The following LPCAT2 variants were observed in gnomAD, a reference collection of about 807,000 sequenced individuals.
LPCAT2 encodes the protein 1-AGP acyltransferase 11.
A neutral mutation model predicts 64.7 loss-of-function variants in LPCAT2; 58 were observed. The observed-to-expected ratio is 0.90, with a 90% CI of 0.73 to 1.12. The LOEUF (loss-of-function observed/expected upper bound fraction) is 1.12, where lower values mean the gene tolerates loss of function less well. LPCAT2 is among the 50% of genes most tolerant of loss of function. The pLI, the probability that LPCAT2 is intolerant of heterozygous loss-of-function variation, is 0.00. For synonymous variants in LPCAT2, 252 were observed against 245.3 expected, an observed-to-expected ratio of 1.03 and a Z score of -0.26; for missense variants, 579 against 669.8, an observed-to-expected ratio of 0.86 and a Z score of 1.50.
At chr16:55,527,798 A>T (rs1963193214) in intron 2 of LPCAT2, among the ~76,000 whole-genome samples, 1 of 152,182 alleles carries the variant, frequency 6.6e-6, no homozygotes, top group South Asian at 2.1e-4. Flanking sequence ...ACTTCTGATG[A>T]TTGTTGATGA....
At position 55,527,628 on chromosome 16, in the gene LPCAT2, T is replaced by C. The variant is rs113016746; in HGVS notation, c.312-749T>C. Among the ~76,000 whole-genome samples the C allele has an allele frequency of 6.1e-3, 935 of 152,282 alleles. 10 individuals carry two copies. Among genetic ancestry groups the C allele is most frequent in the African/African-American group, 0.021 (882 of 41,560 alleles). On this transcript the variant is annotated intron_variant, in intron 2 of 13. Coordinates refer to ENST00000262134, the MANE Select transcript of LPCAT2 (RefSeq NM_017839.5). The stretch of plus-strand genomic sequence containing the variant: ...AATACATTTTTGTTTCCCTACTCAA[T>C]TGGATCTTACTTGTCTTGTGTGTCT...
rs761125744 is a variant in LPCAT2, at chr16:55,528,601, A to G, written c.529+7A>G. On this transcript the variant is annotated splice_region_variant and intron_variant, in intron 3 of 13. Coordinates refer to ENST00000262134, the MANE Select transcript of LPCAT2 (RefSeq NM_017839.5). ...CAAGTCCCTCTGATTGGCAGTAAGT[A>G]CTTGTAAGGTAACGTAGATAAAATA... is the stretch of plus-strand genomic sequence containing the variant. 12 of 1,588,688 alleles carry G rather than the reference A, an allele frequency of 7.6e-6. No individual in the cohort carries two copies. The highest frequency in any genetic ancestry group is 9.5e-6 in the Non-Finnish European group (11 of 1,157,296).
rs1235733649 is a variant in LPCAT2 at position 55,549,478 on chromosome 16, G to A, written c.1061+76G>A. The A allele has an allele frequency of 2.2e-6, 3 of 1,343,038 alleles. No individual in the cohort carries two copies. In the East Asian group the frequency reaches 7.8e-5, roughly 35 times the overall value. The allele number at this position is 1,343,038 out of a possible 1,614,324, so 83.2% of individuals were successfully genotyped here. A position where few individuals can be genotyped will look rare whatever the true frequency, so the allele number is the denominator to read the frequency against. ...TCTGAAATCCTGTTTATTTTCTCCT[G>A]CTTTATTAATGCTCAGCTCTAGTTC... On this transcript the variant is annotated intron_variant, in intron 10 of 13. Coordinates refer to ENST00000262134, the MANE Select transcript of LPCAT2 (RefSeq NM_017839.5).
rs534169591 is a variant in LPCAT2, at chr16:55,559,385, T to C, written c.1215+8283T>C. Among the ~76,000 whole-genome samples the C allele has an allele frequency of 1.2e-3, 189 of 152,340 alleles. 1 individual carries two copies. The highest frequency in any genetic ancestry group is 4.4e-3 in the African/African-American group (182 of 41,594). On this transcript the variant is annotated intron_variant, in intron 11 of 13. Transcript: ENST00000262134. Reference sequence around the variant, plus strand: ...TAAACTTCTGTAGATGTTTTATTACTGTTTCACATTATGTGGAATGAATGT... The same window carrying C: ...TAAACTTCTGTAGATGTTTTATTACCGTTTCACATTATGTGGAATGAATGT...
At chr16:55,525,023 A>G (rs1963149571) in intron 1 of LPCAT2, among the ~76,000 whole-genome samples, 1 of 151,778 alleles carries the variant, frequency 6.6e-6, no homozygotes, top group African/African-American at 2.4e-5. Context: ...CTATCTCCTT[A>G]TTGTTATTAG....
chr16:55,562,280 TTATC>T (rs1390967301), intron 11 of LPCAT2, among the ~76,000 whole-genome samples: 2 of 151,912 alleles, frequency 1.3e-5, no homozygotes, highest in Non-Finnish European at 2.9e-5. Flanking sequence ...TTTATATCCC[TTATC>T]TATTTGGAGA....
chr16:55,510,496 C>T (rs1386900831), intron 1 of LPCAT2, among the ~76,000 whole-genome samples: 2 of 152,068 alleles, frequency 1.3e-5, no homozygotes, highest in East Asian at 3.9e-4. Flanking sequence ...GTCCATCTCA[C>T]ACATTACTTT....
intron 1 of LPCAT2, among the ~76,000 whole-genome samples, chr16:55,509,991 CT>C (rs57496150): frequency 0.021 from 2,102 of 102,460 alleles, 63 homozygotes; most frequent in African/African-American, 0.061. Flanking sequence ...TTGAAGAAGT[CT>C]TTTTTTTTTT....
chr16:55,509,340 G>A lies in LPCAT2; in HGVS notation c.159G>A (p.Ala53=), dbSNP rs779567939. 1.4e-5 allele frequency: 20 copies of A among 1,446,154 alleles called. No homozygotes were observed. The highest frequency in any genetic ancestry group is 1.8e-4 in the Middle Eastern group (1 of 5,426). The allele number at this position is 1,446,154 out of a possible 1,614,324, so 89.6% of individuals were successfully genotyped here. Residue 53 remains alanine, a synonymous_variant, in exon 1 of 14, where the codon GCG becomes GCA. Coordinates refer to ENST00000262134, the MANE Select transcript of LPCAT2 (RefSeq NM_017839.5). ...PFVQQTQIGS[A]RRVQIVLLGI... ...TGCAGCAGACGCAGATCGGCTCCGC[G>A]AGGCGGGTCCAGGTGAGGGGCGTGG... is the stretch of plus-strand genomic sequence containing the variant.
intron 11 of LPCAT2, among the ~76,000 whole-genome samples, chr16:55,565,744 T>C (rs1246613845): frequency 6.6e-6 from 1 of 152,086 alleles, no homozygotes; most frequent in Admixed American, 6.6e-5. Flanking sequence ...GTTTCAGTTT[T>C]GCCAGATGAA....
intron 1 of LPCAT2, among the ~76,000 whole-genome samples, chr16:55,515,589 AT>A (rs1962999694): frequency 6.6e-6 from 1 of 152,160 alleles, no homozygotes; most frequent in African/African-American, 2.4e-5. Flanking sequence ...TACAAATGTA[AT>A]TTTTTTGTTT....
chr16:55,576,590 C>G (rs1417160958), intron 12 of LPCAT2, among the ~76,000 whole-genome samples: 1 of 152,206 alleles, frequency 6.6e-6, no homozygotes, highest in African/African-American at 2.4e-5. Context: ...TTAAAATGAG[C>G]AAACTCCAAC....
In LPCAT2 at chr16:55,584,226, A is replaced by G. The variant is rs1381668524; in HGVS notation, c.*1128A>G. ...AATGAATCAGATTTGTTCTATTTAT[A>G]TAATATTAGAATTAATATATTATCA... On this transcript the variant is annotated 3_prime_UTR_variant, in exon 14 of 14. Coordinates refer to ENST00000262134, the MANE Select transcript of LPCAT2 (RefSeq NM_017839.5). 1 of 152,216 alleles carries G rather than the reference A, an allele frequency of 6.6e-6. No individual in the cohort carries two copies. The highest frequency in any genetic ancestry group is 2.4e-5 in the African/African-American group (1 of 41,462). The allele number at this position is 152,216 out of a possible 1,614,324, so 9.4% of individuals were successfully genotyped here.
chr16:55,567,562 C>A, intron 11 of LPCAT2: 1 of 1,546,568 alleles, frequency 6.5e-7, no homozygotes, highest in South Asian at 1.2e-5. Context: ...CCTTGCCAAG[C>A]TGTACACAGT....
chr16:55,548,072 A>G (rs561761264), intron 9 of LPCAT2, among the ~76,000 whole-genome samples: 2 of 152,104 alleles, frequency 1.3e-5, no homozygotes, highest in Non-Finnish European at 2.9e-5. Context: ...CTGGCCAAAA[A>G]AAATGTTTTA....
In LPCAT2 at chr16:55,529,931, G is replaced by C. The variant is rs1393815873; in HGVS notation, c.626G>C (p.Gly209Ala). The change falls in exon 4 of 14, where the codon GGA becomes GCA. Residue 209 changes from glycine (G) to alanine (A), a missense_variant. Transcript: ENST00000262134. Reference sequence around the variant, plus strand: ...GAAATAATAAAGCGAACAACATCAGGAGGAGAATGGCCCCAGGTAAAACAT... The same window carrying C: ...GAAATAATAAAGCGAACAACATCAGCAGGAGAATGGCCCCAGGTAAAACAT... ...INEIIKRTTS[G>A]GEWPQILVFP... is the part of the protein sequence containing the mutation. 6.2e-7 allele frequency: 1 copy of C among 1,610,170 alleles called. No homozygotes were observed. Among genetic ancestry groups the C allele is most frequent in the Admixed American group, 1.7e-5 (1 of 59,546 alleles).
intron 1 of LPCAT2, among the ~76,000 whole-genome samples, chr16:55,524,553 T>A (rs1039632827): frequency 6.6e-6 from 1 of 151,956 alleles, no homozygotes; most frequent in Non-Finnish European, 1.5e-5. Flanking sequence ...GTGTTACTGT[T>A]TAATATTCTA....
chr16:55,538,865 A>G (rs926002912), intron 8 of LPCAT2: 1 of 152,108 alleles, frequency 6.6e-6, no homozygotes. Flanking sequence ...TTTTCTCTAG[A>G]TATCTCCCGG....
rs368634210 is a variant in LPCAT2, at chr16:55,513,192, A to C, written c.171+3840A>C. Among the ~76,000 whole-genome samples, 72 of 152,354 alleles carry C rather than the reference A, an allele frequency of 4.7e-4. 1 individual carries two copies. The South Asian group carries it at 0.013, about 27-fold the overall frequency. On this transcript the variant is annotated intron_variant, in intron 1 of 13. Transcript: ENST00000262134. ...CGCAGAAAAATACTTGAAAGGAGCTATTATAAAAATGCTCAAGGACTTAAA... is the reference window on the plus strand; with the variant it reads ...CGCAGAAAAATACTTGAAAGGAGCTCTTATAAAAATGCTCAAGGACTTAAA...
Sources: allele counts gnomAD v4.1 joint callset (sites outside exome capture counted in the v4.1 genomes callset), GRCh38; gene constraint gnomAD v4.1.1; transcripts MANE v1.5; gene names NCBI Gene and HGNC (gene_info 2026-07-23, HGNC 2026-07-21).